Variants in KANK1 observed in about 807,000 individuals in gnomAD.
The protein encoded by KANK1 is KN motif and ankyrin repeat domains 1.
A neutral mutation model predicts 106.2 loss-of-function variants in KANK1; 109 were observed. That is an observed-to-expected ratio of 1.03 (90% CI 0.88 to 1.20). The LOEUF is 1.20. Ranked by LOEUF, KANK1 falls within the 50% of genes most tolerant of loss-of-function variation. The pLI, the probability that KANK1 is intolerant of heterozygous loss-of-function variation, is 0.00. For synonymous variants in KANK1, 873 were observed against 652.2 expected (o/e 1.34, Z -5.16); for missense variants, 2,399 against 1,710.7 (o/e 1.40, Z -7.10).
intron 1 of KANK1, among the ~76,000 whole-genome samples, chr9:613,189 T>C (rs1207218311): frequency 1.3e-5 from 2 of 151,808 alleles, no homozygotes; most frequent in Admixed American, 1.3e-4. Flanking sequence ...AAAGAAGTAA[T>C]TGTGACCAGA....
intron 2 of KANK1, among the ~76,000 whole-genome samples, chr9:701,741 G>A (rs182577190): frequency 5.3e-5 from 8 of 152,298 alleles, no homozygotes; most frequent in Non-Finnish European, 1.2e-4. Context: ...CTGCAAGCAG[G>A]TTAGTACTCG....
chr9:550,709 T>C (rs192524352), intron 1 of KANK1, among the ~76,000 whole-genome samples: 7 of 152,360 alleles, frequency 4.6e-5, no homozygotes, highest in Non-Finnish European at 1.0e-4. Flanking sequence ...CCTAAGAAGA[T>C]ACACAAGCTC....
chr9:532,233 T>C (rs1221625083), intron 1 of KANK1, among the ~76,000 whole-genome samples: 1 of 146,126 alleles, frequency 6.8e-6, no homozygotes, highest in Non-Finnish European at 1.5e-5. Context: ...TTGAGAGCAT[T>C]TGTCTTTTTT....
At chr9:666,153 C>T (rs548290609) in intron 1 of KANK1, among the ~76,000 whole-genome samples, 1 of 151,998 alleles carries the variant, frequency 6.6e-6, no homozygotes, top group Non-Finnish European at 1.5e-5. Context: ...AGAGTGCAAA[C>T]CTGGGTGACA....
At chr9:699,668 A>G (rs1209961547) in intron 2 of KANK1, among the ~76,000 whole-genome samples, 1 of 152,222 alleles carries the variant, frequency 6.6e-6, no homozygotes, top group African/African-American at 2.4e-5. Context: ...GTTATGCTAC[A>G]TATGTGTCAA....
intron 2 of KANK1, among the ~76,000 whole-genome samples, chr9:678,406 G>T (rs1015415532): frequency 1.3e-5 from 2 of 152,080 alleles, no homozygotes; most frequent in Non-Finnish European, 2.9e-5. Flanking sequence ...ATGTCACAGA[G>T]AAGTTCAGGG....
At chr9:537,907 T>C (rs1453382782) in intron 1 of KANK1, among the ~76,000 whole-genome samples, 1 of 152,252 alleles carries the variant, frequency 6.6e-6, no homozygotes, top group Non-Finnish European at 1.5e-5. Flanking sequence ...CTTAACACTA[T>C]TCCTGGATTT....
At chr9:730,928 T>C (rs1832068300) in intron 4 of KANK1, 3 of 330,586 alleles carry the variant, frequency 9.1e-6, no homozygotes, top group South Asian at 7.2e-5. Context: ...GGCTTTGTTA[T>C]GTCTGGAAGG....
intron 1 of KANK1, chr9:549,800 A>G (rs2061162985): frequency 6.6e-6 from 1 of 152,308 alleles, no homozygotes; most frequent in Admixed American, 6.5e-5. Context: ...ATCCTCACGC[A>G]GGTGGCGGTT....
Position 541,131 on chromosome 9 carries a change from A to AAC in KANK1, c.-84+36381_-84+36382dup, listed in dbSNP as rs75133521. ...TTGGTTTGTTGAAAAACGAAAAAAA[A>AAC]ACACAAAAAAACAGAGAGCTGGAGG... On this transcript the variant is annotated intron_variant, in intron 1 of 11. Transcript: ENST00000382297. Among the ~76,000 whole-genome samples the AAC allele has an allele frequency of 1.2e-4, 19 of 152,202 alleles. No individual in the cohort carries two copies. The East Asian group carries it at 3.5e-3, about 28-fold the overall frequency.
intron 3 of KANK1, chr9:487,770 C>G (rs933480784): frequency 2.0e-5 from 3 of 152,180 alleles, no homozygotes; most frequent in Non-Finnish European, 4.4e-5. Flanking sequence ...GCAAATTATT[C>G]TAGGCATGTC....
At chr9:607,195 C>G (rs1283125960) in intron 1 of KANK1, among the ~76,000 whole-genome samples, 1 of 151,660 alleles carries the variant, frequency 6.6e-6, no homozygotes, top group Non-Finnish European at 1.5e-5. Context: ...CACTTGAAAG[C>G]AGATGGTTAG....
intron 1 of KANK1, among the ~76,000 whole-genome samples, chr9:630,585 C>T (rs771828025): frequency 6.6e-5 from 10 of 151,878 alleles, no homozygotes; most frequent in Non-Finnish European, 1.0e-4. Flanking sequence ...AGCTTCGTTT[C>T]AGGTGGAAGG....
At chr9:601,662 A>G in intron 1 of KANK1, among the ~76,000 whole-genome samples, 1 of 151,846 alleles carries the variant, frequency 6.6e-6, no homozygotes, top group East Asian at 1.9e-4. Flanking sequence ...GTTATAACCC[A>G]ATATTATCAT....
At chr9:537,449 A>G (rs1316483745) in intron 1 of KANK1, among the ~76,000 whole-genome samples, 1 of 152,200 alleles carries the variant, frequency 6.6e-6, no homozygotes, top group Non-Finnish European at 1.5e-5. Flanking sequence ...TCAACAAGCC[A>G]CAGGTTTGGG....
chr9:482,417 G>T (rs2058221340), intron 3 of KANK1, among the ~76,000 whole-genome samples: 1 of 152,166 alleles, frequency 6.6e-6, no homozygotes, highest in South Asian at 2.1e-4. Flanking sequence ...GCAATTGATG[G>T]CTTACAACGT....
At chr9:739,884 G>A (rs995541159) in intron 8 of KANK1, among the ~76,000 whole-genome samples, 4 of 151,896 alleles carry the variant, frequency 2.6e-5, no homozygotes, top group South Asian at 2.1e-4. Flanking sequence ...AAGGAGCCCC[G>A]AAGCGCACAC....
chr9:665,136 T>C (rs1427538896), intron 1 of KANK1, among the ~76,000 whole-genome samples: 10 of 152,166 alleles, frequency 6.6e-5, no homozygotes, highest in Admixed American at 1.3e-4. Context: ...CTTGTTTGAG[T>C]GTTTCCTTTG....
chr9:739,684 T>C (rs1834828637), intron 8 of KANK1, among the ~76,000 whole-genome samples: 1 of 152,252 alleles, frequency 6.6e-6, no homozygotes, highest in Non-Finnish European at 1.5e-5. Flanking sequence ...CAGCTTAGTA[T>C]ACCCTTAGAA....
Sources: gnomAD v4.1 joint callset for allele counts (sites outside exome capture counted in the v4.1 genomes callset) on GRCh38, gnomAD v4.1.1 for gene constraint, MANE v1.5 for transcripts, NCBI Gene and HGNC (gene_info 2026-07-23, HGNC 2026-07-21) for gene names.